Variants in NRG3 observed in about 807,000 individuals in gnomAD.
NRG3 encodes the protein pro-neuregulin-3, membrane-bound isoform.
A neutral mutation model predicts 66.9 loss-of-function variants in NRG3; 31 were observed. The ratio of observed to expected loss-of-function variants is 0.46; its 90% confidence interval spans 0.35 to 0.63. The LOEUF is 0.63. Among genes scored for constraint, NRG3 ranks in the 20% least tolerant of loss-of-function variants. The pLI is 0.00. For synonymous variants in NRG3, 393 were observed against 359.4 expected, an observed-to-expected ratio of 1.09 and a Z score of -1.06; for missense variants, 910 against 878.9, an observed-to-expected ratio of 1.04 and a Z score of -0.45.
At chr10:81,999,072 G>A (rs1227895241) in intron 1 of NRG3, among the ~76,000 whole-genome samples, 1 of 152,144 alleles carries the variant, frequency 6.6e-6, no homozygotes, top group African/African-American at 2.4e-5. Context: ...CAAAATGTTG[G>A]GTTTATAGGC....
At chr10:82,076,910 C>A (rs2133374050) in intron 1 of NRG3, among the ~76,000 whole-genome samples, 1 of 152,310 alleles carries the variant, frequency 6.6e-6, no homozygotes, top group African/African-American at 2.4e-5. Context: ...TGAGTTGCCT[C>A]CAGGATGACT....
chr10:82,082,105 G>T (rs2133419940), intron 1 of NRG3, among the ~76,000 whole-genome samples: 1 of 152,250 alleles, frequency 6.6e-6, no homozygotes, highest in East Asian at 1.9e-4. Flanking sequence ...TTTAACCTAA[G>T]GTTGTGTCAT....
At chr10:82,365,911 A>G (rs1457386604) in intron 2 of NRG3, among the ~76,000 whole-genome samples, 2 of 152,022 alleles carry the variant, frequency 1.3e-5, no homozygotes, top group East Asian at 1.9e-4. Context: ...TAGTGGCTCT[A>G]TCTGAAGCAG....
chr10:82,817,866 C>G (rs2061780340), intron 3 of NRG3, among the ~76,000 whole-genome samples: 1 of 152,194 alleles, frequency 6.6e-6, no homozygotes, highest in Non-Finnish European at 1.5e-5. Context: ...CCAGCTTGCT[C>G]AGGTTAGAAA....
Position 82,958,980 on chromosome 10 carries a change from A to G in NRG3, c.1189A>G (p.Lys397Glu). 1 of 1,603,830 alleles carries G rather than the reference A, an allele frequency of 6.2e-7. No individual in the cohort carries two copies. The highest frequency in any genetic ancestry group is 1.3e-5 in the African/African-American group (1 of 74,400). The stretch of plus-strand genomic sequence containing the variant: ...AGCTAAACAAATCCAAGAGCAGCTG[A>G]AAGTGCCACAAAATGGTAAAAGCTA... ...KQAKQIQEQL[K>E]VPQNGKSYSL... The change falls in exon 6 of 9, where the codon AAA (lysine) becomes GAA (glutamate). Residue 397 changes from lysine (K) to glutamate (E), a missense_variant. By Grantham distance (56) the Lys-to-Glu change is moderately conservative. Transcript: ENST00000372141.
At chr10:82,804,776 C>T (rs1409113047) in intron 3 of NRG3, among the ~76,000 whole-genome samples, 1 of 152,190 alleles carries the variant, frequency 6.6e-6, no homozygotes, top group Non-Finnish European at 1.5e-5. Flanking sequence ...CTTGAGAATG[C>T]AGACGGTCAA....
chr10:82,246,398 C>T (rs1589453270), intron 1 of NRG3, among the ~76,000 whole-genome samples: 1 of 152,044 alleles, frequency 6.6e-6, no homozygotes, highest in East Asian at 1.9e-4. Flanking sequence ...TGAATTTTCT[C>T]CAGGAAGCAC....
chr10:82,500,991 G>A (rs1481470762), intron 2 of NRG3, among the ~76,000 whole-genome samples: 2 of 151,976 alleles, frequency 1.3e-5, no homozygotes, highest in East Asian at 3.9e-4. Context: ...ATAAGATAGG[G>A]AAAAGAATAT....
intron 2 of NRG3, among the ~76,000 whole-genome samples, chr10:82,516,246 A>G (rs1644747301): frequency 6.6e-6 from 1 of 151,776 alleles, no homozygotes; most frequent in Admixed American, 6.6e-5. Flanking sequence ...TGACATTCTC[A>G]CTCTCCCAGG....
intron 1 of NRG3, among the ~76,000 whole-genome samples, chr10:81,923,803 G>A (rs1478789572): frequency 1.3e-5 from 2 of 152,134 alleles, no homozygotes; most frequent in Admixed American, 6.5e-5. Context: ...AGCCTTAATT[G>A]TACTGTATGA....
At chr10:82,555,892 TG>T (rs1343693225) in intron 2 of NRG3, among the ~76,000 whole-genome samples, 1 of 152,208 alleles carries the variant, frequency 6.6e-6, no homozygotes, top group East Asian at 1.9e-4. Context: ...TTCTTCTACC[TG>T]TTGTTTTTCC....
chr10:82,702,668 C>T (rs2055975404), intron 2 of NRG3, among the ~76,000 whole-genome samples: 2 of 152,180 alleles, frequency 1.3e-5, no homozygotes, highest in Admixed American at 6.5e-5. Context: ...CAGTGAATTC[C>T]AACTGGCACA....
intron 3 of NRG3, among the ~76,000 whole-genome samples, chr10:82,857,693 G>A (rs2063885383): frequency 6.6e-6 from 1 of 152,074 alleles, no homozygotes; most frequent in Non-Finnish European, 1.5e-5. Context: ...GATATTGAGG[G>A]AAGTATCAAT....
intron 2 of NRG3, among the ~76,000 whole-genome samples, chr10:82,489,264 T>C (rs922206718): frequency 6.6e-5 from 10 of 152,200 alleles, no homozygotes; most frequent in African/African-American, 2.4e-4. Flanking sequence ...CCACATAGTG[T>C]ATTAACATGT....
At chr10:82,979,898 C>G (rs908495989) in intron 8 of NRG3, among the ~76,000 whole-genome samples, 8 of 152,162 alleles carry the variant, frequency 5.3e-5, no homozygotes, top group African/African-American at 1.7e-4. Context: ...CTTAGATGCT[C>G]TTATCTATAA....
chr10:82,007,356 C>T (rs1304629523), intron 1 of NRG3, among the ~76,000 whole-genome samples: 2 of 151,760 alleles, frequency 1.3e-5, no homozygotes, highest in Non-Finnish European at 2.9e-5. Context: ...ACTACAGGCG[C>T]ACGCCACCAT....
intron 1 of NRG3, among the ~76,000 whole-genome samples, chr10:81,957,947 C>A (rs1454687132): frequency 6.6e-6 from 1 of 152,132 alleles, no homozygotes; most frequent in Non-Finnish European, 1.5e-5. Context: ...ATTTATTCTT[C>A]TAAAATAAGT....
chr10:82,128,772 T>C (rs2068623148), intron 1 of NRG3, among the ~76,000 whole-genome samples: 1 of 151,892 alleles, frequency 6.6e-6, no homozygotes, highest in South Asian at 2.1e-4. Context: ...TTCACTTCAA[T>C]TATTTAAGGA....
At chr10:82,015,858 C>T (rs923150652) in intron 1 of NRG3, among the ~76,000 whole-genome samples, 1 of 151,198 alleles carries the variant, frequency 6.6e-6, no homozygotes, top group African/African-American at 2.4e-5. Flanking sequence ...TTAATAATAC[C>T]TACATCATAG....
Sources: allele counts gnomAD v4.1 joint callset (sites outside exome capture counted in the v4.1 genomes callset), GRCh38; gene constraint gnomAD v4.1.1; transcripts MANE v1.5; gene names NCBI Gene and HGNC (gene_info 2026-07-23, HGNC 2026-07-21).